DLG2: variants seen among roughly 807,000 people sequenced by gnomAD.
The protein encoded by DLG2 is disks large homolog 2.
DLG2 carries 45 observed loss-of-function variants against 132.5 expected under a neutral mutation model. The ratio of observed to expected loss-of-function variants is 0.34; its 90% confidence interval spans 0.27 to 0.44. DLG2 has a LOEUF of 0.44. DLG2 is among the 20% of genes least tolerant of loss of function. The probability of loss-of-function intolerance (pLI) is 1.00; values close to 1 mark genes in which losing one functional copy is unlikely to be tolerated. For synonymous variants in DLG2, 424 were observed against 419.6 expected, an observed-to-expected ratio of 1.01 and a Z score of -0.13; for missense variants, 1,045 against 1,196.9, an observed-to-expected ratio of 0.87 and a Z score of 1.87.
At chr11:84,759,037 C>T (rs1197805076) in intron 6 of DLG2, among the ~76,000 whole-genome samples, 1 of 152,034 alleles carries the variant, frequency 6.6e-6, no homozygotes, top group Non-Finnish European at 1.5e-5. Flanking sequence ...ACCACCATGC[C>T]TGGCTAATTT....
intron 15 of DLG2, among the ~76,000 whole-genome samples, chr11:83,889,490 C>T (rs531112706): frequency 0.012 from 1,825 of 152,248 alleles, 25 homozygotes; most frequent in South Asian, 0.071. Context: ...GAAATAGGAA[C>T]ACTTTTACAC....
At chr11:83,991,991 G>T (rs1339642305) in intron 11 of DLG2, among the ~76,000 whole-genome samples, 2 of 152,102 alleles carry the variant, frequency 1.3e-5, no homozygotes, top group Non-Finnish European at 2.9e-5. Flanking sequence ...TACACAGGGA[G>T]CAATTTATGT....
At chr11:84,943,961 C>G (rs975097999) in intron 6 of DLG2, among the ~76,000 whole-genome samples, 2 of 151,994 alleles carry the variant, frequency 1.3e-5, no homozygotes, top group African/African-American at 2.4e-5. Context: ...TTTTGTTTGT[C>G]TGGGAAAGTC....
chr11:85,217,794 T>G (rs1223692439), intron 4 of DLG2, among the ~76,000 whole-genome samples: 1 of 152,240 alleles, frequency 6.6e-6, no homozygotes, highest in African/African-American at 2.4e-5. Flanking sequence ...CTGGTTTATT[T>G]AAAAGTTACC....
At chr11:84,169,136 G>A (rs1193591756) in intron 8 of DLG2, among the ~76,000 whole-genome samples, 2 of 152,058 alleles carry the variant, frequency 1.3e-5, no homozygotes, top group Non-Finnish European at 2.9e-5. Flanking sequence ...ACTAAAAATA[G>A]TTCTTCCTCG....
chr11:83,833,805 T>C (rs768545496), intron 16 of DLG2, 35 bp from the exon 17 acceptor site: 17 of 1,596,990 alleles, frequency 1.1e-5, no homozygotes, highest in Middle Eastern at 3.4e-4. Context: ...GCTCAGAGGG[T>C]GATCCATTTA....
At chr11:85,439,531 TTGTA>T (rs2091668771) in intron 3 of DLG2, among the ~76,000 whole-genome samples, 1 of 151,964 alleles carries the variant, frequency 6.6e-6, no homozygotes, top group Non-Finnish European at 1.5e-5. Context: ...GGCTAATTTT[TTGTA>T]TTTTTAGTAG....
At chr11:84,992,602 TGGTATCTCACTGC>T (rs2057242796) in intron 6 of DLG2, among the ~76,000 whole-genome samples, 1 of 152,220 alleles carries the variant, frequency 6.6e-6, no homozygotes, top group African/African-American at 2.4e-5. Context: ...TGGTGTGAGA[TGGTATCTCACTGC>T]GGTTTTGATT....
At chr11:85,339,821 G>GC (rs1465385116) in intron 3 of DLG2, among the ~76,000 whole-genome samples, 6 of 152,260 alleles carry the variant, frequency 3.9e-5, no homozygotes, top group African/African-American at 1.2e-4. Flanking sequence ...ATCAAAAAGT[G>GC]GGCAAAGGAT....
rs58827904 is a variant in DLG2, at chr11:85,299,454, C to T, written c.41-14089G>A. 2.1e-3 allele frequency among the ~76,000 whole-genome samples: 326 copies of T among 152,254 alleles called. 3 individuals are homozygous for T. The highest frequency in any genetic ancestry group is 7.5e-3 in the African/African-American group (312 of 41,550). ...TTTATGGACCATGACTCAGCAGTTC[C>T]AGCTCAAAGATTCTTTCTCCCTGAA... On this transcript the variant is annotated intron_variant, in intron 3 of 27. Transcript: ENST00000376104.
chr11:85,256,323 C>A (rs555211200), intron 4 of DLG2, among the ~76,000 whole-genome samples: 24 of 152,114 alleles, frequency 1.6e-4, no homozygotes, highest in Non-Finnish European at 3.4e-4. Context: ...AAACTCCAGG[C>A]GAAGATCATC....
intron 4 of DLG2, among the ~76,000 whole-genome samples, chr11:85,238,946 C>T (rs1395866242): frequency 6.6e-6 from 1 of 151,878 alleles, no homozygotes; most frequent in African/African-American, 2.4e-5. Context: ...CTCAACTTTT[C>T]TTTATAATGT....
chr11:85,489,957 C>G (rs1002674863), intron 3 of DLG2, among the ~76,000 whole-genome samples: 1 of 151,946 alleles, frequency 6.6e-6, no homozygotes, highest in Non-Finnish European at 1.5e-5. Context: ...GGAGACCAAG[C>G]TATAAGGATT....
intron 7 of DLG2, among the ~76,000 whole-genome samples, chr11:84,512,890 G>GA (rs1290244712): frequency 6.6e-6 from 1 of 151,708 alleles, no homozygotes; most frequent in East Asian, 1.9e-4. Context: ...CACAGGAACA[G>GA]AAAACCAAAC....
chr11:84,536,287 G>A (rs186508573), intron 6 of DLG2, among the ~76,000 whole-genome samples: 26 of 152,154 alleles, frequency 1.7e-4, no homozygotes, highest in African/African-American at 3.6e-4. Context: ...CTTAACTGAC[G>A]GGCATAAGCG....
At chr11:83,768,637 T>C (rs1423989842) in intron 18 of DLG2, among the ~76,000 whole-genome samples, 1 of 152,222 alleles carries the variant, frequency 6.6e-6, no homozygotes, top group Non-Finnish European at 1.5e-5. Context: ...AGTGCTCTCT[T>C]AGAGCAAAGC....
At chr11:85,551,691 T>A (rs913387655) in intron 3 of DLG2, among the ~76,000 whole-genome samples, 5 of 152,070 alleles carry the variant, frequency 3.3e-5, no homozygotes, top group Admixed American at 2.6e-4. Flanking sequence ...AGTTCACATA[T>A]AAATTTAATT....
intron 2 of DLG2, among the ~76,000 whole-genome samples, chr11:85,608,621 A>C (rs2080762206): frequency 1.3e-5 from 2 of 152,086 alleles, no homozygotes; most frequent in Admixed American, 1.3e-4. Context: ...CCGGCCCAGA[A>C]GGAAATAAGC....
chr11:85,512,247 G>T (rs2094089724), intron 3 of DLG2, among the ~76,000 whole-genome samples: 1 of 152,036 alleles, frequency 6.6e-6, no homozygotes, highest in South Asian at 2.1e-4. Context: ...GCAAAGCAAA[G>T]ATTATTTTCT....
Sources: gnomAD v4.1 joint callset for allele counts (sites outside exome capture counted in the v4.1 genomes callset) on GRCh38, gnomAD v4.1.1 for gene constraint, MANE v1.5 for transcripts, NCBI Gene and HGNC (gene_info 2026-07-23, HGNC 2026-07-21) for gene names.